Variants in TTC34 observed in about 807,000 individuals in gnomAD.
The protein encoded by TTC34 is tetratricopeptide repeat protein 34.
TTC34 carries 44 observed loss-of-function variants against 40.7 expected under a neutral mutation model. The observed-to-expected ratio is 1.08, with a 90% CI of 0.85 to 1.39. The LOEUF is 1.39. Ranked by LOEUF, TTC34 falls within the 40% of genes most tolerant of loss-of-function variation. The pLI is 0.00. For synonymous variants in TTC34, 422 were observed against 398.6 expected (o/e 1.06, Z -0.70); for missense variants, 884 against 838.0 (o/e 1.05, Z -0.68).
At chr1:2,641,259 G>A in exon 9 of TTC34, 1 of 1,284,900 alleles carries the variant, frequency 7.8e-7, no homozygotes, top group Non-Finnish European at 1.0e-6. Flanking sequence ...GGAGAGGGCA[G>A]GGCAGGTACC....
chr1:2,800,038 T>C lies in TTC34; in HGVS notation c.784+6A>G, dbSNP rs1320235213. ...TGGCTCTGCAGGGGCCATGCCGTCCTCCTACCTTGGGGTTCGCTGCCGGTG... is the reference window on the plus strand; with the variant it reads ...TGGCTCTGCAGGGGCCATGCCGTCCCCCTACCTTGGGGTTCGCTGCCGGTG... On this transcript the variant is annotated splice_donor_region_variant and intron_variant, in intron 2 of 8. Transcript: ENST00000401095. The C allele has an allele frequency of 1.5e-5, 6 of 398,142 alleles. No homozygotes were observed. Among genetic ancestry groups the C allele is most frequent in the Non-Finnish European group, 2.7e-5 (6 of 226,026 alleles). 24.7% of individuals were successfully genotyped at this position (398,142 alleles called of 1,614,324 possible). A position where few individuals can be genotyped will look rare whatever the true frequency, so the allele number is the denominator to read the frequency against.
chr1:2,786,712 GGCCAAGTA>G (rs1643594988), intron 4 of TTC34, among the ~76,000 whole-genome samples: 2 of 152,294 alleles, frequency 1.3e-5, no homozygotes, highest in South Asian at 4.1e-4. Flanking sequence ...AGCCCAGCAC[GGCCAAGTA>G]GGACCAGGTC....
At chr1:2,691,497 C>T (rs887493816) in intron 6 of TTC34, among the ~76,000 whole-genome samples, 1 of 106,840 alleles carries the variant, frequency 9.4e-6, no homozygotes, top group African/African-American at 3.3e-5. Context: ...GGAGCAGCAC[C>T]CAAAACCACA....
chr1:2,683,518 G>A (rs896053088), intron 6 of TTC34, among the ~76,000 whole-genome samples: 2 of 148,262 alleles, frequency 1.3e-5, no homozygotes, highest in Admixed American at 6.7e-5. Flanking sequence ...CACACCACCA[G>A]GTGAGCATCT....
Position 2,645,377 on chromosome 1 carries a change from G to A in TTC34, c.2413C>T (p.Leu805Phe). ...TTGATCAGCGCCTCCCCCACAGCAA[G>A]GAGGCCCTGGGTGTCCTTGTCCTCG... The change falls in exon 7 of 9, where the codon CTT (leucine) becomes TTT (phenylalanine). Residue 805 changes from leucine (L) to phenylalanine (F), a missense_variant. Coordinates refer to ENST00000401095, the Ensembl canonical transcript of TTC34. The surrounding 1 kb of genome is among the most constrained non-coding windows in gnomAD (Gnocchi z 4.7). 2 of 1,534,884 alleles carry A rather than the reference G, an allele frequency of 1.3e-6. No homozygotes were observed. The highest frequency in any genetic ancestry group is 1.7e-6 in the Non-Finnish European group (2 of 1,146,216).
Position 2,783,600 on chromosome 1 carries a change from G to C in TTC34, c.2226+9C>G, listed in dbSNP as rs1257252541. ...CTTGCCCAGGCCCAGGTCAGGAGTG[G>C]GGCGGCACCTGCAGCTGGTCTAGGG... is the stretch of plus-strand genomic sequence containing the variant. On this transcript the variant is annotated intron_variant, in intron 6 of 8. Coordinates refer to ENST00000401095, the Ensembl canonical transcript of TTC34. 3.6e-6 allele frequency: 5 copies of C among 1,408,110 alleles called. No homozygotes were observed. Among genetic ancestry groups the C allele is most frequent in the Non-Finnish European group, 9.4e-7 (1 of 1,064,070 alleles). The allele number at this position is 1,408,110 out of a possible 1,614,324, so 87.2% of individuals were successfully genotyped here. A position where few individuals can be genotyped will look rare whatever the true frequency, so the allele number is the denominator to read the frequency against.
intron 6 of TTC34, among the ~76,000 whole-genome samples, chr1:2,782,345 C>A (rs900532502): frequency 6.6e-6 from 1 of 152,034 alleles, no homozygotes; most frequent in South Asian, 2.1e-4. Flanking sequence ...TTGGTAATAA[C>A]CTGATTTTCA....
At chr1:2,768,204 C>G (rs1641849467) in intron 6 of TTC34, among the ~76,000 whole-genome samples, 1 of 151,866 alleles carries the variant, frequency 6.6e-6, no homozygotes, top group African/African-American at 2.4e-5. Context: ...CAGCAGTGCC[C>G]ACCCCTGGGT....
At chr1:2,642,875 C>T (rs115452290) in intron 8 of TTC34, among the ~76,000 whole-genome samples, 1,849 of 152,340 alleles carry the variant, frequency 0.012, 39 homozygotes, top group African/African-American at 0.037. Context: ...TGGGCTCCCG[C>T]AGGGCACAGT....
rs538398398 is a variant in TTC34, at chr1:2,685,261, T to C, written c.2227-39698A>G. 2.8e-4 allele frequency among the ~76,000 whole-genome samples: 22 copies of C among 79,792 alleles called. 2 individuals are homozygous for C. Among genetic ancestry groups the C allele is most frequent in the African/African-American group, 1.2e-3 (22 of 18,058 alleles). The allele number at this position is 79,792 out of a possible 152,430, so 52.3% of individuals were successfully genotyped here. On this transcript the variant is annotated intron_variant, in intron 6 of 8. Coordinates refer to ENST00000401095, the Ensembl canonical transcript of TTC34. ...CACCCCAGGTGAGCATCTGAGAGCC[T>C]GGAACAGCACCCTGCACCCCCAGGT...
chr1:2,692,199 T>C (rs1320961748), intron 6 of TTC34, among the ~76,000 whole-genome samples: 10 of 23,530 alleles, frequency 4.2e-4, no homozygotes, highest in East Asian at 4.1e-3. Context: ...AGGTGAGCAT[T>C]GGACACCCTG....
At chr1:2,756,788 C>A (rs1641521956) in intron 6 of TTC34, among the ~76,000 whole-genome samples, 6 of 139,232 alleles carry the variant, frequency 4.3e-5, no homozygotes, top group Admixed American at 7.1e-5. Context: ...CATCCACACC[C>A]CCAGGTGAAC....
At chr1:2,643,989 G>T (rs905975089) in intron 8 of TTC34, among the ~76,000 whole-genome samples, 1 of 152,224 alleles carries the variant, frequency 6.6e-6, no homozygotes, top group Non-Finnish European at 1.5e-5. Flanking sequence ...CTGGCCCTGA[G>T]GGCAAGGTCC....
intron 6 of TTC34, among the ~76,000 whole-genome samples, chr1:2,673,355 G>C (rs1250060708): frequency 2.1e-5 from 1 of 48,390 alleles, no homozygotes; most frequent in Admixed American, 2.2e-4. Context: ...GGAACCCACG[G>C]CCACAGGCGA....
At chr1:2,686,970 G>GTGCGCGTGTGATGGT (rs1640388397) in intron 6 of TTC34, among the ~76,000 whole-genome samples, 2 of 141,504 alleles carry the variant, frequency 1.4e-5, no homozygotes, top group African/African-American at 2.7e-5. Flanking sequence ...ACACTGCCAG[G>GTGCGCGTGTGATGGT]CGAGCATCCG....
chr1:2,685,296 A>G lies in TTC34; in HGVS notation c.2227-39733T>C, dbSNP rs537974685. Among the ~76,000 whole-genome samples the G allele has an allele frequency of 2.2e-4, 28 of 125,684 alleles. No individual in the cohort carries two copies. In the South Asian group the frequency reaches 4.2e-3, roughly 19 times the overall value. 82.5% of individuals were successfully genotyped at this position (125,684 alleles called of 152,430 possible). On this transcript the variant is annotated intron_variant, in intron 6 of 8. Transcript: ENST00000401095. ...CCCTGCACCCCCAGGTGAGCATCCC[A>G]CAGCCTGGAGCAGCACACACACCCA... is the stretch of plus-strand genomic sequence containing the variant.
intron 6 of TTC34, among the ~76,000 whole-genome samples, chr1:2,753,345 A>T (rs1242703066): frequency 6.7e-5 from 7 of 104,712 alleles, no homozygotes; most frequent in East Asian, 3.5e-4. Flanking sequence ...CCCCCAGACG[A>T]GCATCTGACA....
At chr1:2,690,172 C>T (rs1246124984) in intron 6 of TTC34, among the ~76,000 whole-genome samples, 1 of 29,994 alleles carries the variant, frequency 3.3e-5, no homozygotes, top group Non-Finnish European at 7.7e-5. Context: ...TGGAGCAGCA[C>T]CCCACACCCA....
At chr1:2,750,847 A>C (rs1366430730) in intron 6 of TTC34, among the ~76,000 whole-genome samples, 3,403 of 19,366 alleles carry the variant, frequency 0.18, 320 homozygotes, top group Admixed American at 0.22. Context: ...GTACCCACAC[A>C]CCCAGGTGAG....
Sources: allele counts gnomAD v4.1 joint callset (sites outside exome capture counted in the v4.1 genomes callset), GRCh38; gene constraint gnomAD v4.1.1; non-coding constraint Gnocchi (gnomAD v3.1); transcripts MANE v1.5; gene names NCBI Gene and HGNC (gene_info 2026-07-23, HGNC 2026-07-21).